RBFOX1: variants seen among roughly 807,000 people sequenced by gnomAD.
RBFOX1 encodes RNA binding protein fox-1 homolog 1.
A neutral mutation model predicts 57.7 loss-of-function variants in RBFOX1; 8 were observed. The ratio of observed to expected loss-of-function variants is 0.14; its 90% CI spans 0.08 to 0.25. The LOEUF is 0.25. RBFOX1 is among the 10% of genes least tolerant of loss of function. RBFOX1 has a pLI of 1.00. For missense variants in RBFOX1, 611 were observed against 548.5 expected, an observed-to-expected ratio of 1.11 and a Z score of -1.14; for synonymous variants, 326 against 222.4, an observed-to-expected ratio of 1.47 and a Z score of -4.15.
At chr16:7,529,192 C>G (rs750204277) in intron 5 of RBFOX1, among the ~76,000 whole-genome samples, 6 of 152,062 alleles carry the variant, frequency 3.9e-5, no homozygotes, top group Non-Finnish European at 7.4e-5. Context: ...ACCTGGGAGG[C>G]GGAGCTTACA....
chr16:6,962,004 C>G (rs1345929919), intron 3 of RBFOX1, among the ~76,000 whole-genome samples: 1 of 152,112 alleles, frequency 6.6e-6, no homozygotes, highest in Non-Finnish European at 1.5e-5. Context: ...CTCAGTAGCT[C>G]TCAGCCTCAT....
intron 3 of RBFOX1, among the ~76,000 whole-genome samples, chr16:6,725,471 A>C (rs1240997107): frequency 1.3e-5 from 2 of 152,116 alleles, no homozygotes; most frequent in East Asian, 3.9e-4. Flanking sequence ...AATGCAGCCC[A>C]GTGGGTCTCA....
At chr16:6,162,629 T>A (rs2096888059) in intron 1 of RBFOX1, among the ~76,000 whole-genome samples, 1 of 152,120 alleles carries the variant, frequency 6.6e-6, no homozygotes, top group African/African-American at 2.4e-5. Context: ...AAAGAACAAC[T>A]CAAGGGAGAC....
intron 1 of RBFOX1, among the ~76,000 whole-genome samples, chr16:6,205,661 G>A (rs567132539): frequency 6.6e-6 from 1 of 151,898 alleles, no homozygotes; most frequent in Admixed American, 6.6e-5. Flanking sequence ...ATCATATTTT[G>A]CTTCTCCTGA....
intron 4 of RBFOX1, among the ~76,000 whole-genome samples, chr16:7,172,199 C>T (rs957410784): frequency 2.0e-5 from 3 of 152,126 alleles, no homozygotes; most frequent in Non-Finnish European, 2.9e-5. Flanking sequence ...GCCAATAATT[C>T]CATATTTTCT....
At chr16:7,113,919 G>A (rs548891541) in intron 4 of RBFOX1, among the ~76,000 whole-genome samples, 3 of 152,066 alleles carry the variant, frequency 2.0e-5, no homozygotes, top group Admixed American at 6.6e-5. Flanking sequence ...TCTTTTTATA[G>A]GATATATTCC....
chr16:6,498,932 G>T (rs1198028612), intron 2 of RBFOX1, among the ~76,000 whole-genome samples: 2 of 152,154 alleles, frequency 1.3e-5, no homozygotes, highest in Non-Finnish European at 2.9e-5. Flanking sequence ...GTAGCAGTAT[G>T]CCTTGGAGCC....
At chr16:5,542,557 A>G (rs2045005436) in intron 2 of RBFOX1, among the ~76,000 whole-genome samples, 1 of 151,902 alleles carries the variant, frequency 6.6e-6, no homozygotes, top group Admixed American at 6.6e-5. Context: ...GCATCCAGCC[A>G]TAGTTATTGA....
chr16:7,142,804 C>G (rs564426598), intron 4 of RBFOX1, among the ~76,000 whole-genome samples: 23 of 152,284 alleles, frequency 1.5e-4, no homozygotes, highest in South Asian at 6.2e-4. Context: ...GTTGCTTAAA[C>G]CAGTATTGAA....
chr16:7,118,163 A>G (rs1200333329), intron 4 of RBFOX1, among the ~76,000 whole-genome samples: 1 of 152,184 alleles, frequency 6.6e-6, no homozygotes, highest in Non-Finnish European at 1.5e-5. Flanking sequence ...ATACTGTTGC[A>G]TACTGTTTGC....
At chr16:5,500,217 G>GTTCCT (rs1567166507) in intron 2 of RBFOX1, among the ~76,000 whole-genome samples, 3 of 96,824 alleles carry the variant, frequency 3.1e-5, no homozygotes, top group African/African-American at 1.6e-4. Flanking sequence ...ATTGCATTCC[G>GTTCCT]TTCCGTTCCG....
At chr16:7,657,068 G>C (rs968400679) in intron 12 of RBFOX1, among the ~76,000 whole-genome samples, 2 of 152,102 alleles carry the variant, frequency 1.3e-5, no homozygotes, top group Admixed American at 6.5e-5. Flanking sequence ...ACCTAAATCT[G>C]TTCTTCCTGA....
At chr16:7,647,612 TC>T (rs1331887373) in intron 11 of RBFOX1, among the ~76,000 whole-genome samples, 1 of 152,160 alleles carries the variant, frequency 6.6e-6, no homozygotes, top group African/African-American at 2.4e-5. Flanking sequence ...GGTGTCTTTT[TC>T]CCCTAACATT....
chr16:6,804,202 G>A (rs1303524277), intron 3 of RBFOX1, among the ~76,000 whole-genome samples: 1 of 151,830 alleles, frequency 6.6e-6, no homozygotes, highest in Non-Finnish European at 1.5e-5. Context: ...TAGAGATGGG[G>A]TTTCACTTTG....
At chr16:5,977,412 C>G (rs1394923137) in intron 4 of RBFOX1, among the ~76,000 whole-genome samples, 1 of 152,140 alleles carries the variant, frequency 6.6e-6, no homozygotes, top group Non-Finnish European at 1.5e-5. Context: ...CCTACGATCC[C>G]TGGTAATGCT....
intron 14 of RBFOX1, among the ~76,000 whole-genome samples, chr16:7,683,033 TAA>T (rs56681152): frequency 3.9e-5 from 1 of 25,828 alleles, no homozygotes; most frequent in African/African-American, 1.2e-4. Context: ...TATATATATA[TAA>T]AACAGTGCTC....
At chr16:7,127,040 C>T (rs1162229783) in intron 4 of RBFOX1, among the ~76,000 whole-genome samples, 1 of 151,088 alleles carries the variant, frequency 6.6e-6, no homozygotes, top group Non-Finnish European at 1.5e-5. Context: ...TTATTGCAGA[C>T]CTAAGAGAAA....
intron 1 of RBFOX1, among the ~76,000 whole-genome samples, chr16:6,265,329 T>G (rs1318814602): frequency 2.6e-5 from 4 of 152,110 alleles, no homozygotes; most frequent in African/African-American, 9.7e-5. Context: ...TGGTGCAGTC[T>G]CGGCTCACTA....
chr16:6,650,625 C>T (rs549821191), intron 2 of RBFOX1, among the ~76,000 whole-genome samples: 124 of 152,218 alleles, frequency 8.1e-4, no homozygotes, highest in Non-Finnish European at 1.2e-3. Context: ...CTCACCGGTT[C>T]AGTCCCACTT....
Sources: allele counts gnomAD v4.1 joint callset (sites outside exome capture counted in the v4.1 genomes callset), GRCh38; gene constraint gnomAD v4.1.1; transcripts MANE v1.5; gene names NCBI Gene and HGNC (gene_info 2026-07-23, HGNC 2026-07-21).